MYLK: variants seen among roughly 807,000 people sequenced by gnomAD.
MYLK encodes myosin light chain kinase, smooth muscle.
Under a neutral mutation model 203.4 loss-of-function variants are expected in MYLK, and 106 were observed. The ratio of observed to expected loss-of-function variants is 0.52; its 90% CI spans 0.45 to 0.61. MYLK has a LOEUF of 0.61. MYLK is among the 20% of genes least tolerant of loss of function. MYLK has a pLI of 0.00. For missense variants in MYLK, 2,072 were observed against 2,442.3 expected (o/e 0.85, Z 3.20); for synonymous variants, 867 against 959.5 (o/e 0.90, Z 1.78).
chr3:123,732,577 C>T (rs1039353449), intron 11 of MYLK, among the ~76,000 whole-genome samples: 1 of 152,166 alleles, frequency 6.6e-6, no homozygotes, highest in Non-Finnish European at 1.5e-5. Flanking sequence ...ATTTAATGAA[C>T]ACTCAGTTCT....
chr3:123,797,411 T>C (rs1423874449), intron 3 of MYLK, among the ~76,000 whole-genome samples: 1 of 151,986 alleles, frequency 6.6e-6, no homozygotes, highest in African/African-American at 2.4e-5. Flanking sequence ...GTTACATGAG[T>C]GGGGCATGTG....
intron 2 of MYLK, among the ~76,000 whole-genome samples, chr3:123,866,871 C>T (rs181903085): frequency 6.6e-6 from 1 of 152,144 alleles, no homozygotes; most frequent in Non-Finnish European, 1.5e-5. Context: ...CCTCCTCACC[C>T]TTCAATGGGG....
intron 3 of MYLK, among the ~76,000 whole-genome samples, chr3:123,821,548 C>G (rs2065938498): frequency 6.6e-6 from 1 of 152,124 alleles, no homozygotes; most frequent in African/African-American, 2.4e-5. Flanking sequence ...GGCCTCCTAC[C>G]AGCTTAAACT....
intron 4 of MYLK, among the ~76,000 whole-genome samples, chr3:123,784,077 G>C: frequency 6.6e-6 from 1 of 152,190 alleles, no homozygotes; most frequent in East Asian, 1.9e-4. Flanking sequence ...TATAGACTTG[G>C]CTAGGAGAAA....
intron 4 of MYLK, among the ~76,000 whole-genome samples, chr3:123,759,444 A>G (rs910642235): frequency 2.6e-5 from 4 of 152,208 alleles, no homozygotes; most frequent in African/African-American, 9.7e-5. Flanking sequence ...TATTAATGAG[A>G]GGCATGTGGC....
rs139473102 is a variant in MYLK, at chr3:123,654,981, T to G, written c.4288+2145A>C. ...GATCCACCCGCTTCAGCCTCCCAAATTGCTGGGATTACAGGTGTGAGCCAC... is the reference window on the plus strand; with the variant it reads ...GATCCACCCGCTTCAGCCTCCCAAAGTGCTGGGATTACAGGTGTGAGCCAC... On this transcript the variant is annotated intron_variant, in intron 24 of 33. Transcript: ENST00000360304. 6.7e-3 allele frequency among the ~76,000 whole-genome samples: 1,021 copies of G among 152,214 alleles called. 16 individuals carry two copies. The highest frequency in any genetic ancestry group is 0.022 in the African/African-American group (927 of 41,552).
Position 123,636,469 on chromosome 3 carries a change from A to G in MYLK, c.4961+1602T>C, listed in dbSNP as rs770373634. ...AGAATAAACAGTAAGGCAAGTCTCC[A>G]TGACGGCTGGAGGGGGACCCTGGGA... On this transcript the variant is annotated intron_variant, in intron 29 of 33. Coordinates refer to ENST00000360304, the MANE Select transcript of MYLK (RefSeq NM_053025.4). 4.9e-4 allele frequency among the ~76,000 whole-genome samples: 75 copies of G among 152,394 alleles called. 1 individual carries two copies. The highest frequency in any genetic ancestry group is 3.4e-3 in the Middle Eastern group (1 of 294).
intron 4 of MYLK, among the ~76,000 whole-genome samples, chr3:123,793,340 C>A (rs964402937): frequency 1.3e-5 from 2 of 152,158 alleles, no homozygotes; most frequent in African/African-American, 2.4e-5. Flanking sequence ...GATTTGAGGA[C>A]ATATATAAAC....
At chr3:123,738,221 G>C (rs2062744800) in intron 7 of MYLK, among the ~76,000 whole-genome samples, 1 of 152,186 alleles carries the variant, frequency 6.6e-6, no homozygotes, top group Admixed American at 6.5e-5. Flanking sequence ...TTATAAACCA[G>C]GGAGCTGTGG....
chr3:123,883,087 A>G (rs1355284243), intron 1 of MYLK, among the ~76,000 whole-genome samples: 1 of 152,228 alleles, frequency 6.6e-6, no homozygotes, highest in African/African-American at 2.4e-5. Context: ...TAAGCCCACC[A>G]TCTGGAAATA....
chr3:123,810,602 G>GA (rs1383469401), intron 3 of MYLK, among the ~76,000 whole-genome samples: 1 of 152,226 alleles, frequency 6.6e-6, no homozygotes, highest in Non-Finnish European at 1.5e-5. Context: ...GTCTCTTCTA[G>GA]ATGAACAATC....
intron 31 of MYLK, chr3:123,623,352 T>A (rs1176489524): frequency 1.3e-5 from 2 of 152,216 alleles, no homozygotes; most frequent in East Asian, 3.8e-4. Context: ...GCTTCCAGTG[T>A]GCATGCGGAA....
chr3:123,866,414 C>A (rs1281547795), intron 2 of MYLK, among the ~76,000 whole-genome samples: 1 of 152,070 alleles, frequency 6.6e-6, no homozygotes, highest in South Asian at 2.1e-4. Flanking sequence ...GTATGGAGTG[C>A]CTGGTATGTG....
At chr3:123,658,059 T>A (rs956981107) in intron 23 of MYLK, among the ~76,000 whole-genome samples, 4 of 152,250 alleles carry the variant, frequency 2.6e-5, no homozygotes, top group African/African-American at 9.6e-5. Flanking sequence ...AGCACTTGTA[T>A]CACAGGTGGT....
chr3:123,773,906 TG>T (rs2108996917), intron 4 of MYLK, among the ~76,000 whole-genome samples: 1 of 152,330 alleles, frequency 6.6e-6, no homozygotes, highest in East Asian at 1.9e-4. Flanking sequence ...AAATACTGAC[TG>T]GTGGCCTGGC....
chr3:123,734,301 T>C (rs1393294606), intron 9 of MYLK, 79 bp from the exon 10 acceptor site: 1 of 1,354,362 alleles, frequency 7.4e-7, no homozygotes, highest in African/African-American at 1.5e-5. Flanking sequence ...TCACAAATAT[T>C]ACTCATCACA....
At chr3:123,854,305 C>T (rs2031147724) in intron 2 of MYLK, among the ~76,000 whole-genome samples, 1 of 151,806 alleles carries the variant, frequency 6.6e-6, no homozygotes, top group African/African-American at 2.4e-5. Flanking sequence ...CAATTGATGA[C>T]TATAGTTTTT....
chr3:123,666,182 C>T (rs1462409176), intron 22 of MYLK, 37 bp downstream of exon 22: 1 of 1,614,128 alleles, frequency 6.2e-7, no homozygotes, highest in South Asian at 1.1e-5. Flanking sequence ...CGGATTATTC[C>T]CAGCACCCCC....
intron 3 of MYLK, among the ~76,000 whole-genome samples, chr3:123,830,610 C>T (rs1399501454): frequency 6.6e-6 from 1 of 152,062 alleles, no homozygotes; most frequent in Admixed American, 6.6e-5. Flanking sequence ...TCCCCAGGTC[C>T]ACCACCCACC....
Sources: allele counts gnomAD v4.1 joint callset (sites outside exome capture counted in the v4.1 genomes callset), GRCh38; gene constraint gnomAD v4.1.1; transcripts MANE v1.5; gene names NCBI Gene and HGNC (gene_info 2026-07-23, HGNC 2026-07-21).